The following CNTRL variants were observed in gnomAD, a reference collection of about 807,000 sequenced individuals.
CNTRL encodes the protein centriolin, also known as 110 kDa centrosomal protein.
CNTRL carries 233 observed loss-of-function variants against 303.7 expected under a neutral mutation model. The observed-to-expected ratio is 0.77, with a 90% CI of 0.69 to 0.86. The LOEUF (loss-of-function observed/expected upper bound fraction) is 0.86. CNTRL is among the 40% of genes least tolerant of loss of function. CNTRL has a pLI of 0.00. For missense variants in CNTRL, 2,524 were observed against 2,650.6 expected (o/e 0.95, Z 1.05); for synonymous variants, 900 against 922.2 (o/e 0.98, Z 0.44).
At chr9:121,089,281 A>C (rs2048466186) in intron 3 of CNTRL, among the ~76,000 whole-genome samples, 1 of 152,252 alleles carries the variant, frequency 6.6e-6, no homozygotes, top group African/African-American at 2.4e-5. Context: ...GAACAAGCCA[A>C]GTTAAATTTA....
At chr9:121,075,968 G>T (rs1386719833) in intron 1 of CNTRL, among the ~76,000 whole-genome samples, 1 of 152,094 alleles carries the variant, frequency 6.6e-6, no homozygotes, top group Non-Finnish European at 1.5e-5. Flanking sequence ...TGTAAATCAG[G>T]TTAATAATTC....
rs148182006 is a variant in CNTRL at position 121,157,521 on chromosome 9, A to G, written c.4417A>G (p.Thr1473Ala). 8.1e-6 allele frequency: 13 copies of G among 1,614,164 alleles called. No individual in the cohort carries two copies. Among genetic ancestry groups the G allele is most frequent in the Non-Finnish European group, 1.1e-5 (13 of 1,180,014 alleles). ...FTDAKRSLLQ[T>A]ESDAEELERR... Reference sequence around the variant, plus strand: ...TGATGCCAAGAGAAGTTTATTGCAAACTGAGTCAGATGCTGAGGAATTAGA... The same window carrying G: ...TGATGCCAAGAGAAGTTTATTGCAAGCTGAGTCAGATGCTGAGGAATTAGA... The change falls in exon 28 of 44, where the codon ACT (threonine) becomes GCT (alanine). Residue 1473 changes from threonine (T) to alanine (A), a missense_variant. Coordinates refer to ENST00000373855, the MANE Select transcript of CNTRL (RefSeq NM_007018.6).
At chr9:121,174,984 T>G (rs984103437) in intron 42 of CNTRL, 34 bp from the exon 43 acceptor site, 3 of 1,590,260 alleles carry the variant, frequency 1.9e-6, no homozygotes, top group Non-Finnish European at 2.6e-6. Flanking sequence ...ACATTTCTTC[T>G]GTGTAAAACC....
At chr9:121,144,526 G>T (rs12683062) in intron 20 of CNTRL, among the ~76,000 whole-genome samples, 12,566 of 152,272 alleles carry the variant, frequency 0.083, 559 homozygotes, top group Non-Finnish European at 0.11. Context: ...ATGCTAATGA[G>T]ATTAAGATAG....
intron 2 of CNTRL, among the ~76,000 whole-genome samples, chr9:121,081,538 T>C: frequency 6.6e-6 from 1 of 152,192 alleles, no homozygotes; most frequent in East Asian, 1.9e-4. Context: ...AAGCTATAAA[T>C]TGGGACTCCC....
At chr9:121,108,362 A>C (rs991898090) in intron 8 of CNTRL, among the ~76,000 whole-genome samples, 2 of 152,188 alleles carry the variant, frequency 1.3e-5, no homozygotes, top group African/African-American at 4.8e-5. Flanking sequence ...ATAAAATATA[A>C]TATCTTTATG....
intron 2 of CNTRL, among the ~76,000 whole-genome samples, chr9:121,083,941 A>G (rs1254203423): frequency 6.6e-6 from 1 of 152,224 alleles, no homozygotes. Context: ...GACTGTATGT[A>G]TTTCACAATA....
At chr9:121,144,818 C>T in intron 20 of CNTRL, 25 bp from the exon 21 acceptor site, 2 of 1,566,016 alleles carry the variant, frequency 1.3e-6, no homozygotes, top group Non-Finnish European at 1.8e-6. Flanking sequence ...GCAGTGGTGC[C>T]TTTCTCATAC....
chr9:121,084,883 A>C (rs1173493308), intron 2 of CNTRL, among the ~76,000 whole-genome samples: 2 of 152,180 alleles, frequency 1.3e-5, no homozygotes, highest in Non-Finnish European at 2.9e-5. Context: ...TCACAGTGCT[A>C]AACCATTCTG....
At chr9:121,119,104 G>C (rs934209469) in intron 12 of CNTRL, among the ~76,000 whole-genome samples, 1 of 149,476 alleles carries the variant, frequency 6.7e-6, no homozygotes. Context: ...GTGTGTGTGT[G>C]TGTATACACA....
chr9:121,173,296 G>A lies in CNTRL; in HGVS notation c.6471G>A (p.Met2157Ile), dbSNP rs1192772722. The change falls in exon 41 of 44, where the codon ATG becomes ATA. Residue 2157 changes from methionine to isoleucine, a missense_variant. Transcript: ENST00000373855. ...GACAAATGGAAATCAGTGATGCAATGAGGACACTTAAATCTGAGGTGAAGG... is the reference window on the plus strand; with the variant it reads ...GACAAATGGAAATCAGTGATGCAATAAGGACACTTAAATCTGAGGTGAAGG... ...ERRQMEISDA[M>I]RTLKSEVKDE... The A allele has an allele frequency of 6.2e-7, 1 of 1,614,008 alleles. No individual in the cohort carries two copies. Among genetic ancestry groups the A allele is most frequent in the South Asian group, 1.1e-5 (1 of 91,036 alleles).
At position 121,113,909 on chromosome 9, in the gene CNTRL, A is replaced by G. The variant is rs898958099; in HGVS notation, c.1345+185A>G. On this transcript the variant is annotated intron_variant, in intron 10 of 43. Transcript: ENST00000373855. ...CATTTATTTTGTAATGATTCCTGTT[A>G]TGGTTAAGAATGGAGTTTTTGGCAG... 1.3e-5 allele frequency among the ~76,000 whole-genome samples: 2 copies of G among 152,128 alleles called. 1 individual carries two copies. Among genetic ancestry groups the G allele is most frequent in the African/African-American group, 4.8e-5 (2 of 41,424 alleles).
intron 12 of CNTRL, among the ~76,000 whole-genome samples, chr9:121,120,017 A>G (rs186629884): frequency 6.6e-6 from 1 of 152,052 alleles, no homozygotes; most frequent in African/African-American, 2.4e-5. Context: ...CTCTGTCTCT[A>G]CTCTAAGAAG....
intron 24 of CNTRL, among the ~76,000 whole-genome samples, chr9:121,149,080 G>A (rs2052050193): frequency 6.6e-6 from 1 of 152,116 alleles, no homozygotes; most frequent in African/African-American, 2.4e-5. Flanking sequence ...TCATCCTTCA[G>A]TGAGACCTAG....
intron 12 of CNTRL, among the ~76,000 whole-genome samples, 184 bp from the exon 13 acceptor site, chr9:121,123,747 G>A (rs926541750): frequency 7.9e-5 from 12 of 152,146 alleles, no homozygotes; most frequent in Admixed American, 2.6e-4. Context: ...AATGATTTCC[G>A]TATCAAGTTA....
chr9:121,175,508 A>G (rs146365338), intron 43 of CNTRL, among the ~76,000 whole-genome samples: 361 of 152,308 alleles, frequency 2.4e-3, no homozygotes, highest in African/African-American at 8.4e-3. Flanking sequence ...GGCTCAAGCG[A>G]TCCTCCTGCC....
Position 121,144,944 on chromosome 9 carries a change from G to A in CNTRL, c.3153G>A (p.Arg1051=). 1 of 1,613,340 alleles carries A rather than the reference G, an allele frequency of 6.2e-7. No individual in the cohort carries two copies. Among genetic ancestry groups the A allele is most frequent in the Non-Finnish European group, 8.5e-7 (1 of 1,179,612 alleles). ...TCGAACTCCTGCAGAATCTCCTCAG[G>A]CAGAAGGGGGAGCAGGTCAGTGTTG... ...AEIELLQNLL[R]QKGEQFRLEM... Residue 1051 remains arginine (R), a synonymous_variant, in exon 21 of 44, where the codon AGG becomes AGA. Transcript: ENST00000373855.
chr9:121,149,737 C>A (rs531065770), intron 24 of CNTRL, among the ~76,000 whole-genome samples: 2 of 152,242 alleles, frequency 1.3e-5, no homozygotes, highest in African/African-American at 4.8e-5. Flanking sequence ...CTGCTGTGTG[C>A]TAGGTTCTCT....
chr9:121,115,220 C>A lies in CNTRL; in HGVS notation c.1455+20C>A. ...AAAAAGGTATGTAAAAGCAAAGCAG[C>A]AATGCTAAGAGGAAATGAAAAATGA... On this transcript the variant is annotated intron_variant, in intron 11 of 43. Transcript: ENST00000373855. 1.5e-6 allele frequency: 2 copies of A among 1,302,144 alleles called. No homozygotes were observed. Among genetic ancestry groups the A allele is most frequent in the Non-Finnish European group, 2.2e-6 (2 of 908,716 alleles). The allele number at this position is 1,302,144 out of a possible 1,614,324, so 80.7% of individuals were successfully genotyped here.
Sources: gnomAD v4.1 joint callset for allele counts (sites outside exome capture counted in the v4.1 genomes callset) on GRCh38, gnomAD v4.1.1 for gene constraint, MANE v1.5 for transcripts, NCBI Gene and HGNC (gene_info 2026-07-23, HGNC 2026-07-21) for gene names.